The following TASP1 variants were observed in gnomAD, a reference collection of about 807,000 sequenced individuals.
The protein encoded by TASP1 is threonine aspartase 1.
A neutral mutation model predicts 56.6 loss-of-function variants in TASP1; 16 were observed. The ratio of observed to expected loss-of-function variants is 0.28; its 90% CI spans 0.19 to 0.43. The LOEUF (loss-of-function observed/expected upper bound fraction) is 0.43, where lower values mean the gene tolerates loss of function less well. Ranked by LOEUF, TASP1 falls within the 20% of genes least tolerant of loss-of-function variation. TASP1 has a pLI of 1.00. For missense variants in TASP1, 393 were observed against 511.6 expected, an observed-to-expected ratio of 0.77 and a Z score of 2.24; for synonymous variants, 179 against 184.2, an observed-to-expected ratio of 0.97 and a Z score of 0.23.
intron 10 of TASP1, among the ~76,000 whole-genome samples, chr20:13,489,791 G>GT (rs2043457905): frequency 6.6e-6 from 1 of 152,136 alleles, no homozygotes; most frequent in Non-Finnish European, 1.5e-5. Context: ...CATTTTTAAA[G>GT]TATGCAATTC....
At chr20:13,359,516 C>T in the TASP1 span, among the ~76,000 whole-genome samples, 10 of 151,648 alleles carry the variant, frequency 6.6e-5, no homozygotes, top group African/African-American at 2.4e-4. Flanking sequence ...GGAAGGTAAG[C>T]CCGTCCCCTT....
chr20:13,108,285 A>G, the TASP1 span, among the ~76,000 whole-genome samples: 1 of 152,258 alleles, frequency 6.6e-6, no homozygotes, highest in Admixed American at 6.5e-5. Context: ...AAATATATTC[A>G]CAACTCTATT....
chr20:13,542,967 T>C (rs915583505), intron 8 of TASP1, among the ~76,000 whole-genome samples: 2 of 150,264 alleles, frequency 1.3e-5, no homozygotes, highest in African/African-American at 4.9e-5. Flanking sequence ...AAAGAAAAAA[T>C]GAAAAATCAA....
the TASP1 span, among the ~76,000 whole-genome samples, chr20:13,214,372 T>A: frequency 2.6e-5 from 4 of 152,148 alleles, no homozygotes; most frequent in African/African-American, 9.7e-5. Context: ...CTCTTATGTG[T>A]CTGCGATGAA....
At chr20:13,345,942 G>C in the TASP1 span, among the ~76,000 whole-genome samples, 1 of 109,506 alleles carries the variant, frequency 9.1e-6, no homozygotes, top group Non-Finnish European at 2.0e-5. Context: ...AAAAAAAAAA[G>C]AATGAAGAAC....
intron 4 of TASP1, among the ~76,000 whole-genome samples, chr20:13,612,311 C>T (rs2048372014): frequency 6.6e-6 from 1 of 152,086 alleles, no homozygotes; most frequent in African/African-American, 2.4e-5. Context: ...GATGAGCTTT[C>T]TACTCAGAGT....
At chr20:13,508,001 G>A (rs1039938086) in intron 10 of TASP1, among the ~76,000 whole-genome samples, 4 of 151,986 alleles carry the variant, frequency 2.6e-5, no homozygotes, top group South Asian at 4.2e-4. Flanking sequence ...TTCAAAAATC[G>A]GGTTGAAAAA....
chr20:13,607,657 G>A (rs566795353), intron 4 of TASP1, among the ~76,000 whole-genome samples: 3 of 152,258 alleles, frequency 2.0e-5, no homozygotes, highest in East Asian at 1.9e-4. Context: ...ACACTCTGTC[G>A]CTCAAGTGCA....
chr20:13,377,246 C>A, the TASP1 span, among the ~76,000 whole-genome samples: 1 of 152,130 alleles, frequency 6.6e-6, no homozygotes, highest in Admixed American at 6.5e-5. Context: ...AGATACATTC[C>A]ATCGATACCT....
chr20:13,533,936 A>G, intron 9 of TASP1, 86 bp downstream of exon 9: 1 of 1,451,140 alleles, frequency 6.9e-7, no homozygotes, highest in South Asian at 1.4e-5. Context: ...CTAAAGAAAA[A>G]ATGTTCCCAC....
chr20:13,126,744 T>A, the TASP1 span: 3 of 1,612,100 alleles, frequency 1.9e-6, no homozygotes, highest in Non-Finnish European at 2.5e-6. Flanking sequence ...AGAGCACAGC[T>A]CCTGGACCTC....
At chr20:13,621,442 T>C (rs995308654) in intron 4 of TASP1, among the ~76,000 whole-genome samples, 1 of 151,910 alleles carries the variant, frequency 6.6e-6, no homozygotes, top group African/African-American at 2.4e-5. Context: ...AAAATATATA[T>C]ATAAAAAATA....
chr20:13,261,688 T>C, the TASP1 span, among the ~76,000 whole-genome samples: 1 of 152,206 alleles, frequency 6.6e-6, no homozygotes, highest in Admixed American at 6.5e-5. Flanking sequence ...CCAATGACCT[T>C]TGAAACCCAT....
chr20:13,329,381 G>A, the TASP1 span, among the ~76,000 whole-genome samples: 873 of 152,272 alleles, frequency 5.7e-3, 9 homozygotes, highest in African/African-American at 0.02. Context: ...GGAGAAGACA[G>A]CCATCTACGA....
At chr20:13,469,936 G>T (rs1308714402) in intron 11 of TASP1, among the ~76,000 whole-genome samples, 1 of 148,950 alleles carries the variant, frequency 6.7e-6, no homozygotes, top group Non-Finnish European at 1.5e-5. Context: ...AGCCTCCCGA[G>T]TAGCAGGAAC....
intron 8 of TASP1, among the ~76,000 whole-genome samples, chr20:13,534,577 T>C (rs2146900595): frequency 6.6e-6 from 1 of 152,302 alleles, no homozygotes; most frequent in East Asian, 1.9e-4. Flanking sequence ...AAACATCTAA[T>C]AGAAATACAT....
At chr20:13,214,566 G>C in the TASP1 span, among the ~76,000 whole-genome samples, 207 of 145,304 alleles carry the variant, frequency 1.4e-3, no homozygotes, top group South Asian at 8.4e-3. Context: ...CACACACAGA[G>C]AGAGAGAGAG....
At chr20:13,241,465 GA>G in the TASP1 span, among the ~76,000 whole-genome samples, 5 of 151,986 alleles carry the variant, frequency 3.3e-5, no homozygotes, top group Non-Finnish European at 7.4e-5. Flanking sequence ...AATTCTTCAA[GA>G]AGGCAAGGGG....
chr20:13,361,960 G>A, the TASP1 span, among the ~76,000 whole-genome samples: 1 of 151,478 alleles, frequency 6.6e-6, no homozygotes, highest in Non-Finnish European at 1.5e-5. Flanking sequence ...TTTCCATTTA[G>A]TTTCTCAATT....
Sources: gnomAD v4.1 joint callset for allele counts (sites outside exome capture counted in the v4.1 genomes callset) on GRCh38, gnomAD v4.1.1 for gene constraint, MANE v1.5 for transcripts, NCBI Gene and HGNC (gene_info 2026-07-23, HGNC 2026-07-21) for gene names.